The following RASEF variants were observed in gnomAD, a reference collection of about 807,000 sequenced individuals.
RASEF encodes the protein RAS and EF-hand domain containing, also known as ras and EF-hand domain-containing protein.
RASEF carries 68 observed loss-of-function variants against 90.1 expected under a neutral mutation model. The ratio of observed to expected loss-of-function variants is 0.75; its 90% confidence interval spans 0.62 to 0.92. The LOEUF is 0.92. RASEF is among the 40% of genes least tolerant of loss of function. The pLI, the probability that RASEF is intolerant of heterozygous loss-of-function variation, is 0.00. For synonymous variants in RASEF, 331 were observed against 345.2 expected, an observed-to-expected ratio of 0.96 and a Z score of 0.46; for missense variants, 949 against 937.2, an observed-to-expected ratio of 1.01 and a Z score of -0.16.
At chr9:83,215,651 C>T in the RASEF span, among the ~76,000 whole-genome samples, 20 of 152,242 alleles carry the variant, frequency 1.3e-4, no homozygotes, top group East Asian at 2.9e-3. Flanking sequence ...AGTGTGAGAA[C>T]GGACTAATAC....
chr9:83,011,578 T>TAAAAAG (rs1829247524), intron 5 of RASEF, among the ~76,000 whole-genome samples: 1 of 87,978 alleles, frequency 1.1e-5, no homozygotes, highest in Non-Finnish European at 2.4e-5. Flanking sequence ...AAAAAAAAAC[T>TAAAAAG]GAAATTTTAT....
rs1829268804 is a variant in RASEF at position 83,012,602 on chromosome 9, A to T, written c.766-91T>A. 1.2e-5 allele frequency: 7 copies of T among 563,932 alleles called. No homozygotes were observed. In the East Asian group the frequency reaches 2.4e-4, roughly 19 times the overall value. The allele number at this position is 563,932 out of a possible 1,614,324, so 34.9% of individuals were successfully genotyped here. On this transcript the variant is annotated intron_variant, in intron 4 of 16. Transcript: ENST00000376447. ...ACTATCCTTGAATATACATATGAGA[A>T]TTCTAGAAGTCACCAATTTTCAACA... is the stretch of plus-strand genomic sequence containing the variant.
intron 1 of RASEF, among the ~76,000 whole-genome samples, chr9:83,038,591 A>T (rs1240673840): frequency 1.3e-5 from 2 of 152,204 alleles, no homozygotes. Flanking sequence ...AATATATTCC[A>T]GTACTATTTT....
At chr9:83,183,975 G>T in the RASEF span, among the ~76,000 whole-genome samples, 15 of 152,304 alleles carry the variant, frequency 9.8e-5, no homozygotes, top group African/African-American at 3.4e-4. Context: ...TTCCATTCAG[G>T]TCTGGGGTGG....
chr9:83,048,784 A>G lies in RASEF; in HGVS notation c.431+13653T>C, dbSNP rs1050336847. On this transcript the variant is annotated intron_variant, in intron 1 of 16. Coordinates refer to ENST00000376447, the MANE Select transcript of RASEF (RefSeq NM_152573.4). ...GTCCTATATAGTTCTTGAGGATTTC[A>G]AGTCCCATTAGAATATTTCTCATAC... The G allele has an allele frequency of 3.1e-6, 3 of 973,750 alleles. No individual in the cohort carries two copies. The African/African-American group carries it at 5.3e-5, about 17-fold the overall frequency. The allele number at this position is 973,750 out of a possible 1,614,324, so 60.3% of individuals were successfully genotyped here. A position where few individuals can be genotyped will look rare whatever the true frequency, so the allele number is the denominator to read the frequency against.
the RASEF span, among the ~76,000 whole-genome samples, chr9:83,217,661 C>A: frequency 6.6e-6 from 1 of 152,166 alleles, no homozygotes; most frequent in Non-Finnish European, 1.5e-5. Context: ...ATTGTGAGGC[C>A]TCCCCAGCCA....
At chr9:83,037,557 T>C (rs1160638975) in intron 1 of RASEF, among the ~76,000 whole-genome samples, 1 of 152,124 alleles carries the variant, frequency 6.6e-6, no homozygotes, top group Non-Finnish European at 1.5e-5. Context: ...TATAACTGAA[T>C]CCAAATACAC....
At chr9:83,182,585 AT>A in the RASEF span, among the ~76,000 whole-genome samples, 1 of 152,196 alleles carries the variant, frequency 6.6e-6, no homozygotes, top group East Asian at 1.9e-4. Flanking sequence ...TTCAAAAGTA[AT>A]TATCTAGTAA....
chr9:83,017,431 T>C (rs10867927), intron 3 of RASEF, among the ~76,000 whole-genome samples: 83,767 of 148,474 alleles, frequency 0.56, 23,711 homozygotes, highest in East Asian at 0.78. Context: ...ACCCGGGAGG[T>C]GGAGCCTGCA....
chr9:83,035,325 A>G (rs1424099554), intron 1 of RASEF, among the ~76,000 whole-genome samples: 2 of 152,144 alleles, frequency 1.3e-5, no homozygotes, highest in Non-Finnish European at 2.9e-5. Context: ...ATAAAATTTT[A>G]TTTACACTAA....
chr9:83,144,477 G>GAGAAA, the RASEF span, among the ~76,000 whole-genome samples: 3 of 137,314 alleles, frequency 2.2e-5, no homozygotes, highest in Non-Finnish European at 5.0e-5. Flanking sequence ...AAGAAAAGAA[G>GAGAAA]AGAAAAGAAA....
chr9:83,194,232 AGTCTTCAT>A, the RASEF span, among the ~76,000 whole-genome samples: 15 of 152,158 alleles, frequency 9.9e-5, no homozygotes, highest in Admixed American at 5.2e-4. Context: ...CATTACCTTT[AGTCTTCAT>A]GTCTTCTTAG....
At chr9:83,189,086 C>G in the RASEF span, among the ~76,000 whole-genome samples, 1 of 152,212 alleles carries the variant, frequency 6.6e-6, no homozygotes, top group African/African-American at 2.4e-5. Flanking sequence ...GCGTCCCCAA[C>G]CAAATCTCAT....
At chr9:82,993,113 T>C (rs1487341176) in intron 14 of RASEF, 88 bp from the exon 15 acceptor site, 1 of 1,414,392 alleles carries the variant, frequency 7.1e-7, no homozygotes, top group Non-Finnish European at 9.6e-7. Context: ...CAATTACCAT[T>C]TTCCCTTTGC....
rs1828625861 is a variant in RASEF at position 82,982,505 on chromosome 9, C to G, written c.*172G>C. On this transcript the variant is annotated 3_prime_UTR_variant, in exon 17 of 17. Coordinates refer to ENST00000376447, the MANE Select transcript of RASEF (RefSeq NM_152573.4). Reference sequence around the variant, plus strand: ...GCCCAAATCACTCACTGAGACAAAACAAAGAAGAGCCAAAGTTCCAGAGGG... The same window carrying G: ...GCCCAAATCACTCACTGAGACAAAAGAAAGAAGAGCCAAAGTTCCAGAGGG... 3.7e-6 allele frequency: 2 copies of G among 544,798 alleles called. No homozygotes were observed. The highest frequency in any genetic ancestry group is 6.7e-6 in the Non-Finnish European group (2 of 300,248). The allele number at this position is 544,798 out of a possible 1,614,324, so 33.7% of individuals were successfully genotyped here.
At chr9:83,048,589 T>A (rs1195950520) in intron 1 of RASEF, 2 of 984,796 alleles carry the variant, frequency 2.0e-6, no homozygotes, top group East Asian at 2.3e-4. Flanking sequence ...AATGAATGAA[T>A]GAAAAATAGG....
At chr9:83,101,792 C>CATCA in the RASEF span, among the ~76,000 whole-genome samples, 4 of 152,196 alleles carry the variant, frequency 2.6e-5, no homozygotes, top group African/African-American at 7.2e-5. Flanking sequence ...ACAACACTTT[C>CATCA]ATCAATCAAT....
the RASEF span, among the ~76,000 whole-genome samples, chr9:83,205,157 G>T: frequency 6.6e-6 from 1 of 152,124 alleles, no homozygotes; most frequent in Admixed American, 6.5e-5. Context: ...TTTGCTTTAA[G>T]AAATACATCT....
the RASEF span, among the ~76,000 whole-genome samples, chr9:83,137,777 T>C: frequency 4.5e-5 from 6 of 133,416 alleles, no homozygotes; most frequent in Non-Finnish European, 3.1e-5. Flanking sequence ...ACAAGGGATT[T>C]TTATACATGA....
Sources: allele counts gnomAD v4.1 joint callset (sites outside exome capture counted in the v4.1 genomes callset), GRCh38; gene constraint gnomAD v4.1.1; transcripts MANE v1.5; gene names NCBI Gene and HGNC (gene_info 2026-07-23, HGNC 2026-07-21).